The following ZNF727 variants were observed in gnomAD, a reference collection of about 807,000 sequenced individuals.
The protein encoded by ZNF727 is zinc finger protein 727, also known as putative zinc finger protein 727.
Under a neutral mutation model 11.5 loss-of-function variants are expected in ZNF727, and 11 were observed. That is an observed-to-expected ratio of 0.95 (90% CI 0.60 to 1.58). The LOEUF (loss-of-function observed/expected upper bound fraction) is 1.58, where lower values mean the gene tolerates loss of function less well. Among genes scored for constraint, ZNF727 ranks in the 40% most tolerant of loss-of-function variants. ZNF727 has a pLI of 0.00. For missense variants in ZNF727, 533 were observed against 581.7 expected (o/e 0.92, Z 0.86); for synonymous variants, 171 against 196.1 (o/e 0.87, Z 1.07).
At chr7:64,069,944 G>GA (rs1789934547) in intron 3 of ZNF727, among the ~76,000 whole-genome samples, 1 of 152,000 alleles carries the variant, frequency 6.6e-6, no homozygotes, top group African/African-American at 2.4e-5. Flanking sequence ...TTGCTTGGGG[G>GA]AAACAGCAGT....
rs1314864167 is a variant in ZNF727 at position 64,080,809 on chromosome 7, T to C, written c.*2260T>C. ...GTTTTTTGGATCCTATTTGATGGTC[T>C]TGAGTATTTGATTGTGGTAAAAGGT... is the stretch of plus-strand genomic sequence containing the variant. On this transcript the variant is annotated 3_prime_UTR_variant, in exon 4 of 4. Transcript: ENST00000456806. Among the ~76,000 whole-genome samples, 2 of 152,180 alleles carry C rather than the reference T, an allele frequency of 1.3e-5. No homozygotes were observed. Among genetic ancestry groups the C allele is most frequent in the African/African-American group, 4.8e-5 (2 of 41,450 alleles).
intron 3 of ZNF727, among the ~76,000 whole-genome samples, chr7:64,071,563 A>AT (rs1368076290): frequency 6.6e-6 from 1 of 151,282 alleles, no homozygotes; most frequent in Non-Finnish European, 1.5e-5. Context: ...TTCTTATACT[A>AT]TTTTTTCTTG....
Position 64,072,776 on chromosome 7 carries a change from G to A in ZNF727, c.226+3167G>A, listed in dbSNP as rs548007578. ...AAGACCAAGCATTTTCAAGTTTGCC[G>A]CCTGAATGAGGGCCTGCCTTTTCAA... is the stretch of plus-strand genomic sequence containing the variant. On this transcript the variant is annotated intron_variant, in intron 3 of 3. Coordinates refer to ENST00000456806, the MANE Select transcript of ZNF727 (RefSeq NM_001159522.3). 1.6e-4 allele frequency among the ~76,000 whole-genome samples: 24 copies of A among 152,186 alleles called. 1 individual carries two copies. The highest frequency in any genetic ancestry group is 2.4e-4 in the African/African-American group (10 of 41,528).
rs182365027 is a variant in ZNF727 at position 64,063,287 on chromosome 7, G to A, written c.4-5604G>A. Among the ~76,000 whole-genome samples the A allele has an allele frequency of 7.7e-4, 117 of 152,192 alleles. 2 individuals carry two copies. Among genetic ancestry groups the A allele is most frequent in the African/African-American group, 2.7e-3 (114 of 41,538 alleles). On this transcript the variant is annotated intron_variant, in intron 1 of 3. Transcript: ENST00000456806. ...GCTTTCCAAGTATTCAAAGGGAATC[G>A]AGTGTTGTAATCTAAGTCTTTGATC... is the stretch of plus-strand genomic sequence containing the variant.
In ZNF727 at chr7:64,077,787, C is replaced by T. The variant is rs754321498; in HGVS notation, c.738C>T (p.His246=). 6.4e-7 allele frequency: 1 copy of T among 1,571,792 alleles called. No homozygotes were observed. The highest frequency in any genetic ancestry group is 1.4e-5 in the African/African-American group (1 of 73,520). Residue 246 remains histidine, a synonymous_variant, in exon 4 of 4, where the codon CAC becomes CAT. Transcript: ENST00000456806. ...CCTGTTCCTCAGCCCTTACTAAACA[C>T]AAGAGAAATCATACTGGAGACAGAC... ...TFTCSSALTK[H]KRNHTGDRPY... is the part of the protein sequence containing the mutation.
intron 2 of ZNF727, 43 bp downstream of exon 2, chr7:64,069,060 A>G (rs536991806): frequency 1.4e-6 from 2 of 1,476,880 alleles, no homozygotes; most frequent in East Asian, 2.5e-5. Flanking sequence ...TACATTAAAT[A>G]TTTTATTTCC....
At chr7:64,048,022 G>A (rs1789535351) in intron 1 of ZNF727, among the ~76,000 whole-genome samples, 4 of 152,186 alleles carry the variant, frequency 2.6e-5, no homozygotes, top group African/African-American at 7.2e-5. Context: ...GAGCAGAATG[G>A]GGGTGGGAGA....
chr7:64,069,758 G>C, intron 3 of ZNF727, 149 bp downstream of exon 3: 1 of 681,008 alleles, frequency 1.5e-6, no homozygotes, highest in Non-Finnish European at 2.5e-6. Context: ...TTTAACATAG[G>C]GGAATTTTTT....
intron 3 of ZNF727, among the ~76,000 whole-genome samples, chr7:64,071,741 A>G (rs1273992504): frequency 5.9e-5 from 9 of 152,028 alleles, no homozygotes; most frequent in African/African-American, 1.9e-4. Flanking sequence ...TCCTTATTTT[A>G]TATTTAGTTA....
At chr7:64,066,533 C>T (rs1256986322) in intron 1 of ZNF727, among the ~76,000 whole-genome samples, 1 of 152,060 alleles carries the variant, frequency 6.6e-6, no homozygotes, top group Admixed American at 6.6e-5. Flanking sequence ...ATAAACCTGA[C>T]AAAAACAAGC....
At chr7:64,052,357 T>C (rs1343099701) in intron 1 of ZNF727, among the ~76,000 whole-genome samples, 1 of 149,652 alleles carries the variant, frequency 6.7e-6, no homozygotes, top group African/African-American at 2.5e-5. Context: ...AAACAGGAGT[T>C]CCCCTGGACA....
At chr7:64,071,359 T>C (rs748414113) in intron 3 of ZNF727, among the ~76,000 whole-genome samples, 7 of 152,100 alleles carry the variant, frequency 4.6e-5, no homozygotes, top group Non-Finnish European at 1.0e-4. Flanking sequence ...TCTGCCAGAT[T>C]GGTGACATTG....
rs182617996 is a variant in ZNF727, at chr7:64,068,881, T to C, written c.4-10T>C. 295 of 1,578,098 alleles carry C rather than the reference T, an allele frequency of 1.9e-4. 1 individual carries two copies. The African/African-American group carries it at 3.8e-3, about 20-fold the overall frequency. On this transcript the variant is annotated splice_polypyrimidine_tract_variant and intron_variant, in intron 1 of 3. Coordinates refer to ENST00000456806, the MANE Select transcript of ZNF727 (RefSeq NM_001159522.3). ...CTTTGGTCACTTGGTAAATATGTTTTGTTTTTCAGCGAGTGCTAACATTCA... is the reference window on the plus strand; with the variant it reads ...CTTTGGTCACTTGGTAAATATGTTTCGTTTTTCAGCGAGTGCTAACATTCA...
chr7:64,058,379 A>G (rs1789718438), intron 1 of ZNF727, among the ~76,000 whole-genome samples: 1 of 152,158 alleles, frequency 6.6e-6, no homozygotes, highest in African/African-American at 2.4e-5. Context: ...CTATATAATA[A>G]TTTGCTCACA....
At position 64,083,753 on chromosome 7, in the gene ZNF727, C is replaced by A. The variant is rs1477621503; in HGVS notation, c.*5204C>A. 6.6e-6 allele frequency among the ~76,000 whole-genome samples: 1 copy of A among 152,116 alleles called. No homozygotes were observed. The highest frequency in any genetic ancestry group is 1.5e-5 in the Non-Finnish European group (1 of 68,030). On this transcript the variant is annotated 3_prime_UTR_variant, in exon 4 of 4. Transcript: ENST00000456806. ...GAGGTTCCTTTGGCTCCATGTTGTT[C>A]CCTGGTGGCCCATTGTCCTGCCTTG...
intron 1 of ZNF727, among the ~76,000 whole-genome samples, chr7:64,061,048 T>G (rs1044032751): frequency 6.6e-6 from 1 of 152,188 alleles, no homozygotes; most frequent in Admixed American, 6.5e-5. Flanking sequence ...GATATAATTT[T>G]ATTTGGGGAG....
chr7:64,053,128 C>T (rs886542049), intron 1 of ZNF727, among the ~76,000 whole-genome samples: 2 of 151,988 alleles, frequency 1.3e-5, no homozygotes, highest in Non-Finnish European at 2.9e-5. Flanking sequence ...TGTGAAGATA[C>T]GAGATTTAGG....
intron 1 of ZNF727, among the ~76,000 whole-genome samples, chr7:64,057,841 AT>A (rs1391498899): frequency 6.6e-6 from 1 of 152,218 alleles, no homozygotes; most frequent in Admixed American, 6.5e-5. Context: ...ATGCAGTTAT[AT>A]TCTCCTTTAT....
chr7:64,055,560 C>CT (rs1271401633), intron 1 of ZNF727, among the ~76,000 whole-genome samples: 1 of 152,160 alleles, frequency 6.6e-6, no homozygotes, highest in Non-Finnish European at 1.5e-5. Context: ...TTATAACCAC[C>CT]ATTCTACTTT....
Sources: allele counts gnomAD v4.1 joint callset (sites outside exome capture counted in the v4.1 genomes callset), GRCh38; gene constraint gnomAD v4.1.1; transcripts MANE v1.5; gene names NCBI Gene and HGNC (gene_info 2026-07-23, HGNC 2026-07-21).